The following KRTCAP3 variants were observed in gnomAD, a reference collection of about 807,000 sequenced individuals.
The protein encoded by KRTCAP3 is keratinocyte-associated protein 3.
In KRTCAP3, 18 loss-of-function variants were observed where a neutral mutation model predicts 20.5. The observed-to-expected ratio is 0.88, with a 90% CI of 0.61 to 1.31. KRTCAP3 has a LOEUF of 1.31. Among genes scored for constraint, KRTCAP3 ranks in the 50% most tolerant of loss-of-function variants. The pLI is 0.00. For synonymous variants in KRTCAP3, 167 were observed against 133.7 expected (o/e 1.25, Z -1.72); for missense variants, 347 against 310.4 (o/e 1.12, Z -0.89).
downstream of KRTCAP3, chr2:27,445,396 C>T (rs1276036447): frequency 6.8e-6 from 11 of 1,612,850 alleles, no homozygotes; most frequent in Non-Finnish European, 9.3e-6. This position sits in a 1 kb window ranked among gnomAD's most constrained non-coding sequence, Gnocchi z 4.4. Context: ...GCTCCAGCCG[C>T]TGGTCCATGG....
At position 27,442,771 on chromosome 2, in the gene KRTCAP3, C is replaced by A. The variant is rs779593600; in HGVS notation, c.213+8C>A. On this transcript the variant is annotated splice_region_variant and intron_variant, in intron 2 of 6. Coordinates refer to ENST00000288873, the MANE Select transcript of KRTCAP3 (RefSeq NM_173853.4). Reference sequence around the variant, plus strand: ...GTCGGCTCGGGGCTGCTGGTGAGCGCGGCAGGCGACCCGGGCGGGGGCCGG... The same window carrying A: ...GTCGGCTCGGGGCTGCTGGTGAGCGAGGCAGGCGACCCGGGCGGGGGCCGG... 1 of 1,610,238 alleles carries A rather than the reference C, an allele frequency of 6.2e-7. No individual in the cohort carries two copies. The highest frequency in any genetic ancestry group is 1.3e-5 in the African/African-American group (1 of 74,816).
downstream of KRTCAP3, chr2:27,445,557 T>C: frequency 7.3e-7 from 1 of 1,364,636 alleles, no homozygotes; most frequent in Non-Finnish European, 1.0e-6. This position sits in a 1 kb window ranked among gnomAD's most constrained non-coding sequence, Gnocchi z 4.4. Context: ...GTATACCAGC[T>C]TTTAGCCACG....
downstream of KRTCAP3, chr2:27,445,394 C>T (rs766353582): frequency 2.8e-5 from 45 of 1,612,802 alleles, no homozygotes; most frequent in Middle Eastern, 1.7e-4. This position sits in a 1 kb window ranked among gnomAD's most constrained non-coding sequence, Gnocchi z 4.4. Flanking sequence ...CTGCTCCAGC[C>T]GCTGGTCCAT....
Position 27,442,871 on chromosome 2 carries a change from G to A in KRTCAP3, c.243G>A (p.Leu81=), listed in dbSNP as rs751640885. 4.3e-6 allele frequency: 7 copies of A among 1,612,700 alleles called. No homozygotes were observed. In the South Asian group the frequency reaches 7.7e-5, roughly 18 times the overall value. The stretch of plus-strand genomic sequence containing the variant: ...TTTCCGTGGGACTTGTGGCCCTCCT[G>A]GCGTCCAGGAACCTTCTTCGCCCTC... ...LSVSVGLVAL[L]ASRNLLRPPL... The change falls in exon 3 of 7, where the codon CTG becomes CTA. Residue 81 remains leucine, a synonymous_variant. Coordinates refer to ENST00000288873, the MANE Select transcript of KRTCAP3 (RefSeq NM_173853.4).
chr2:27,445,848 A>G (rs1344754580), downstream of KRTCAP3: 3 of 1,614,080 alleles, frequency 1.9e-6, no homozygotes, highest in African/African-American at 2.7e-5. This position sits in a 1 kb window ranked among gnomAD's most constrained non-coding sequence, Gnocchi z 4.4. Context: ...GATTGCCTGC[A>G]GTAGAGTGGG....
At position 27,442,397 on chromosome 2, in the gene KRTCAP3, T is replaced by G. The variant is rs368887530; in HGVS notation, c.-16T>G. ...GGCCCAGGTACAGCGGCCCTGCGGC[T>G]GGCGCGGCGGACGGGATGAGGCGCT... On this transcript the variant is annotated 5_prime_UTR_variant, in exon 1 of 7. Transcript: ENST00000288873. The G allele has an allele frequency of 1.4e-5, 22 of 1,550,340 alleles. No individual in the cohort carries two copies. The highest frequency in any genetic ancestry group is 1.9e-5 in the Non-Finnish European group (22 of 1,148,642).
downstream of KRTCAP3, chr2:27,444,594 T>G (rs1262248650): frequency 6.9e-6 from 8 of 1,165,452 alleles, no homozygotes; most frequent in Middle Eastern, 2.0e-4. Flanking sequence ...ATCGCAGGCT[T>G]CAGGGTCTGC....
downstream of KRTCAP3, chr2:27,446,112 G>A: frequency 7.1e-7 from 1 of 1,403,230 alleles, no homozygotes; most frequent in Non-Finnish European, 1.0e-6. Context: ...GGGATCCAGG[G>A]AGAAAAATCC....
chr2:27,443,369 T>TCCTACTCCCC lies in KRTCAP3; in HGVS notation c.481-28_481-19dup, dbSNP rs1324932874. ...TATTTGCTGCACTTGCCCTACTCCC[T>TCCTACTCCCC]CCTACTCCCCATCCTTCTTGCTTTT... On this transcript the variant is annotated intron_variant, in intron 4 of 6. Transcript: ENST00000288873. 7.4e-6 allele frequency: 12 copies of TCCTACTCCCC among 1,613,954 alleles called. No individual in the cohort carries two copies. In the Middle Eastern group the frequency reaches 4.9e-4, roughly 66 times the overall value.
chr2:27,445,213 T>C, downstream of KRTCAP3: 1 of 1,581,672 alleles, frequency 6.3e-7, no homozygotes, highest in East Asian at 2.2e-5. This position sits in a 1 kb window ranked among gnomAD's most constrained non-coding sequence, Gnocchi z 4.4. Flanking sequence ...TTGTACCCTT[T>C]ACTGAATCCT....
rs756510732 is a variant in KRTCAP3 at position 27,442,691 on chromosome 2, G to A, written c.141G>A (p.Val47=). ...TGCATGGCACCGTCCTGCGGCACGTGGCCAATCCCCGCGGCGCTGTCACGC... is the reference window on the plus strand; with the variant it reads ...TGCATGGCACCGTCCTGCGGCACGTAGCCAATCCCCGCGGCGCTGTCACGC... The part of the protein sequence containing the change: ...AVLHGTVLRH[V]ANPRGAVTPE... The change falls in exon 2 of 7, where the codon GTG becomes GTA. Residue 47 remains valine (V), a synonymous_variant. Coordinates refer to ENST00000288873, the MANE Select transcript of KRTCAP3 (RefSeq NM_173853.4). The A allele has an allele frequency of 1.3e-6, 2 of 1,588,180 alleles. No individual in the cohort carries two copies. Among genetic ancestry groups the A allele is most frequent in the South Asian group, 1.1e-5 (1 of 87,794 alleles).
chr2:27,443,217 TCTGGTACCA>T lies in KRTCAP3; in HGVS notation c.422_430del (p.Val141_Leu143del). 1 of 1,614,132 alleles carries T rather than the reference TCTGGTACCA, an allele frequency of 6.2e-7. No individual in the cohort carries two copies. The highest frequency in any genetic ancestry group is 1.1e-5 in the South Asian group (1 of 91,082). On this transcript the variant is annotated inframe_deletion, in exon 4 of 7. Coordinates refer to ENST00000288873, the MANE Select transcript of KRTCAP3 (RefSeq NM_173853.4). ...ACTGCCACCCAGGACTGCTGGATCCTCTGGTACCACTGGATGAGGGGCCGGGACATACTG... is the reference window on the plus strand; with the variant it reads ...ACTGCCACCCAGGACTGCTGGATCCTCTGGATGAGGGGCCGGGACATACTG...
At chr2:27,446,169 T>A (rs1572711133), downstream of KRTCAP3, 1 of 1,388,880 alleles carries the variant, frequency 7.2e-7, no homozygotes, top group Non-Finnish European at 1.0e-6. Flanking sequence ...AGCCCTACAC[T>A]CAGCTTTCCT....
At position 27,442,655 on chromosome 2, in the gene KRTCAP3, G is replaced by GGGGGCCGTGCTGCAT; in HGVS notation, c.108_122dup (p.Ala37_Gly41dup). 6.3e-7 allele frequency: 1 copy of GGGGGCCGTGCTGCAT among 1,581,600 alleles called. No homozygotes were observed. The highest frequency in any genetic ancestry group is 1.3e-5 in the African/African-American group (1 of 74,142). On this transcript the variant is annotated inframe_insertion, in exon 2 of 7. Transcript: ENST00000288873. The stretch of plus-strand genomic sequence containing the variant: ...TGGTGGGCCACGTGAACCTGCTGCT[G>GGGGGCCGTGCTGCAT]GGGGCCGTGCTGCATGGCACCGTCC...
chr2:27,443,294 C>T lies in KRTCAP3; in HGVS notation c.480+14C>T, dbSNP rs114788910. 4,695 of 1,613,810 alleles carry T rather than the reference C, an allele frequency of 2.9e-3. 13 individuals carry two copies. Among genetic ancestry groups the T allele is most frequent in the Non-Finnish European group, 3.6e-3 (4,191 of 1,179,708 alleles). The stretch of plus-strand genomic sequence containing the variant: ...ACAAGAATCTATGTGAGCACATTCT[C>T]TTCCTTCTTGTGGTCTACAAAGCCT... On this transcript the variant is annotated intron_variant, in intron 4 of 6. Coordinates refer to ENST00000288873, the MANE Select transcript of KRTCAP3 (RefSeq NM_173853.4).
chr2:27,443,174 G>A lies in KRTCAP3; in HGVS notation c.374G>A (p.Gly125Asp). The A allele has an allele frequency of 1.2e-6, 2 of 1,614,108 alleles. No individual in the cohort carries two copies. Among genetic ancestry groups the A allele is most frequent in the Non-Finnish European group, 8.5e-7 (1 of 1,179,998 alleles). The stretch of plus-strand genomic sequence containing the variant: ...GTGTCACTCACTGTGGCCAACGGTG[G>A]CCGCCGCCTTATTGCTGACTGCCAC... ...LAVSLTVANGGRRLIADCHPG... is the reference protein window; with the variant it reads ...LAVSLTVANGDRRLIADCHPG... Residue 125 changes from glycine (G) to aspartate (D), a missense_variant, in exon 4 of 7, where the codon GGC becomes GAC. Coordinates refer to ENST00000288873, the MANE Select transcript of KRTCAP3 (RefSeq NM_173853.4).
rs552533010 is a variant in KRTCAP3, at chr2:27,443,273, G to A, written c.473G>A (p.Arg158Lys). 1.2e-5 allele frequency: 19 copies of A among 1,614,010 alleles called. No homozygotes were observed. The highest frequency in any genetic ancestry group is 1.5e-5 in the Non-Finnish European group (18 of 1,179,998). ...ACTGACTGCCCCTTTGACCCCACAA[G>A]AATCTATGTGAGCACATTCTCTTCC... ...GHTDCPFDPT[R>K]IYDTALALWI... is the part of the protein sequence containing the mutation. Residue 158 changes from arginine to lysine, a missense_variant, in exon 4 of 7, where the codon AGA becomes AAA. Coordinates refer to ENST00000288873, the MANE Select transcript of KRTCAP3 (RefSeq NM_173853.4).
At position 27,443,934 on chromosome 2, in the gene KRTCAP3, T is replaced by C. The variant is rs1380709739; in HGVS notation, c.616-15T>C. 6.9e-7 allele frequency: 1 copy of C among 1,451,612 alleles called. No individual in the cohort carries two copies. The allele number at this position is 1,451,612 out of a possible 1,614,324, so 89.9% of individuals were successfully genotyped here. ...CATTCAGGGCGAGGGTGTCTAACTC[T>C]ATCTTCTTCTGCAGCTAGAGGAAAT... On this transcript the variant is annotated splice_polypyrimidine_tract_variant and intron_variant, in intron 5 of 6. Transcript: ENST00000288873.
Position 27,442,717 on chromosome 2 carries a change from C to T in KRTCAP3, c.167C>T (p.Pro56Leu), listed in dbSNP as rs1462034792. ...HVANPRGAVTPEYTVANVISV... is the reference protein window; with the variant it reads ...HVANPRGAVTLEYTVANVISV... ...GCCAATCCCCGCGGCGCTGTCACGC[C>T]GGAGTACACCGTAGCCAATGTCATC... The change falls in exon 2 of 7, where the codon CCG (proline) becomes CTG (leucine). Residue 56 changes from proline to leucine, a missense_variant. By Grantham distance (98) the Pro-to-Leu change is moderately conservative. Coordinates refer to ENST00000288873, the MANE Select transcript of KRTCAP3 (RefSeq NM_173853.4). The T allele has an allele frequency of 3.8e-6, 6 of 1,599,046 alleles. No individual in the cohort carries two copies. Among genetic ancestry groups the T allele is most frequent in the Admixed American group, 1.7e-5 (1 of 58,320 alleles).
Sources: gnomAD v4.1 joint callset for allele counts on GRCh38, gnomAD v4.1.1 for gene constraint, Gnocchi (gnomAD v3.1) non-coding constraint, MANE v1.5 for transcripts, NCBI Gene and HGNC (gene_info 2026-07-23, HGNC 2026-07-21) for gene names.